THSD7A: variants seen among roughly 807,000 people sequenced by gnomAD.
THSD7A encodes thrombospondin type 1 domain containing 7A, also known as thrombospondin type-1 domain-containing protein 7A.
Under a neutral mutation model 231.3 loss-of-function variants are expected in THSD7A, and 96 were observed. That is an observed-to-expected ratio of 0.41 (90% CI 0.35 to 0.49). The LOEUF (loss-of-function observed/expected upper bound fraction) is 0.49. Among genes scored for constraint, THSD7A ranks in the 20% least tolerant of loss-of-function variants. The pLI is 0.05. For missense variants in THSD7A, 2,290 were observed against 2,070.2 expected, an observed-to-expected ratio of 1.11 and a Z score of -2.06; for synonymous variants, 940 against 743.3, an observed-to-expected ratio of 1.26 and a Z score of -4.30.
At chr7:11,818,917 C>G (rs779508125) in intron 1 of THSD7A, among the ~76,000 whole-genome samples, 11 of 151,980 alleles carry the variant, frequency 7.2e-5, no homozygotes, top group African/African-American at 1.2e-4. Context: ...ATGTGTCATT[C>G]TACCAGAACA....
intron 1 of THSD7A, among the ~76,000 whole-genome samples, chr7:11,659,771 C>G (rs2128372651): frequency 1.3e-5 from 2 of 151,604 alleles, no homozygotes; most frequent in East Asian, 3.9e-4. Flanking sequence ...AAATGTGTCA[C>G]TGTTAATACA....
At chr7:11,645,294 T>C (rs1326015442) in intron 1 of THSD7A, among the ~76,000 whole-genome samples, 13 of 151,846 alleles carry the variant, frequency 8.6e-5, no homozygotes. Flanking sequence ...TTATTTGAGA[T>C]ACTAACATTT....
intron 23 of THSD7A, 61 bp from the exon 24 acceptor site, chr7:11,382,677 G>A (rs974707667): frequency 1.1e-5 from 13 of 1,217,866 alleles, no homozygotes; most frequent in South Asian, 8.8e-5. Context: ...CAATCATGGG[G>A]ATAGAGTATT....
rs1345121739 is a variant in THSD7A at position 11,713,700 on chromosome 7, T to C, written c.191-76739A>G. Among the ~76,000 whole-genome samples, 4 of 151,282 alleles carry C rather than the reference T, an allele frequency of 2.6e-5. No homozygotes were observed. In the South Asian group the frequency reaches 6.2e-4, roughly 24 times the overall value. ...TAAAGAAGCCAGATGATCATGACAGTTGGATTGTAGAGCCCATTGTGTCTC... is the reference window on the plus strand; with the variant it reads ...TAAAGAAGCCAGATGATCATGACAGCTGGATTGTAGAGCCCATTGTGTCTC... On this transcript the variant is annotated intron_variant, in intron 1 of 27. Coordinates refer to ENST00000423059, the MANE Select transcript of THSD7A (RefSeq NM_015204.3).
chr7:11,747,892 T>C (rs1194483581), intron 1 of THSD7A, among the ~76,000 whole-genome samples: 1 of 151,904 alleles, frequency 6.6e-6, no homozygotes, highest in African/African-American at 2.4e-5. Context: ...GGCACAATGA[T>C]ATTAACATAA....
intron 1 of THSD7A, among the ~76,000 whole-genome samples, chr7:11,661,762 C>A (rs1390928205): frequency 6.6e-6 from 1 of 151,030 alleles, no homozygotes; most frequent in African/African-American, 2.4e-5. Flanking sequence ...AAAAACTGAA[C>A]AGGTAAATCC....
chr7:11,627,190 T>G (rs1335747897), intron 2 of THSD7A, among the ~76,000 whole-genome samples: 1 of 152,076 alleles, frequency 6.6e-6, no homozygotes, highest in Admixed American at 6.6e-5. Flanking sequence ...ATGGCACATG[T>G]AAACCTGTGT....
chr7:11,739,921 G>A (rs568228395), intron 1 of THSD7A, among the ~76,000 whole-genome samples: 1 of 151,850 alleles, frequency 6.6e-6, no homozygotes, highest in Non-Finnish European at 1.5e-5. Context: ...CTAATAAGAG[G>A]GTGTGTTAAC....
intron 13 of THSD7A, among the ~76,000 whole-genome samples, chr7:11,436,447 A>C (rs1350912282): frequency 6.6e-6 from 1 of 152,110 alleles, no homozygotes; most frequent in African/African-American, 2.4e-5. Context: ...AAACTGCTGC[A>C]TGAAACTAGG....
chr7:11,774,333 G>A (rs1420934620), intron 1 of THSD7A, among the ~76,000 whole-genome samples: 1 of 152,132 alleles, frequency 6.6e-6, no homozygotes, highest in African/African-American at 2.4e-5. Context: ...CAGGAGCTGG[G>A]GGAAGGAATA....
intron 13 of THSD7A, among the ~76,000 whole-genome samples, chr7:11,445,786 G>A (rs879802382): frequency 2.6e-5 from 4 of 151,930 alleles, no homozygotes; most frequent in Non-Finnish European, 5.9e-5. Flanking sequence ...CTGGGGGACC[G>A]TTCTGGCACC....
intron 4 of THSD7A, among the ~76,000 whole-genome samples, chr7:11,549,022 T>C (rs1789516016): frequency 6.6e-6 from 1 of 152,024 alleles, no homozygotes; most frequent in South Asian, 2.1e-4. Flanking sequence ...AAAGGTCTAA[T>C]ATCCAGAATC....
intron 4 of THSD7A, among the ~76,000 whole-genome samples, chr7:11,549,605 G>T (rs1437165033): frequency 6.6e-6 from 1 of 152,082 alleles, no homozygotes; most frequent in East Asian, 1.9e-4. Flanking sequence ...GCCATTAAAA[G>T]GAATGAGATC....
At chr7:11,726,578 C>T (rs1781555712) in intron 1 of THSD7A, among the ~76,000 whole-genome samples, 1 of 151,966 alleles carries the variant, frequency 6.6e-6, no homozygotes, top group African/African-American at 2.4e-5. Flanking sequence ...TCCCTTTCCC[C>T]TTTTGCATTA....
intron 1 of THSD7A, among the ~76,000 whole-genome samples, chr7:11,697,685 A>G (rs1780444946): frequency 6.6e-6 from 1 of 151,374 alleles, no homozygotes; most frequent in Non-Finnish European, 1.5e-5. Flanking sequence ...CTTCTCATTT[A>G]TCCTCAGAAA....
chr7:11,789,357 A>G (rs1224970222), intron 1 of THSD7A, among the ~76,000 whole-genome samples: 2 of 152,044 alleles, frequency 1.3e-5, no homozygotes, highest in African/African-American at 4.8e-5. Context: ...ATTTTAAGAA[A>G]GGGCGTGGCA....
At chr7:11,762,649 T>C (rs929800581) in intron 1 of THSD7A, among the ~76,000 whole-genome samples, 2 of 152,184 alleles carry the variant, frequency 1.3e-5, no homozygotes, top group African/African-American at 4.8e-5. Flanking sequence ...CTTTGTTAGA[T>C]ACATAGTTTG....
At position 11,533,880 on chromosome 7, in the gene THSD7A, G is replaced by A. The variant is rs116420488; in HGVS notation, c.1822+7539C>T. 1.0e-3 allele frequency among the ~76,000 whole-genome samples: 158 copies of A among 152,194 alleles called. 1 individual carries two copies. The highest frequency in any genetic ancestry group is 3.5e-3 in the African/African-American group (146 of 41,526). ...CTACAGGTTCTGCACTTGTATCTTGGGACTTAAAGTGATTTAAAAAACTGT... is the reference window on the plus strand; with the variant it reads ...CTACAGGTTCTGCACTTGTATCTTGAGACTTAAAGTGATTTAAAAAACTGT... On this transcript the variant is annotated intron_variant, in intron 6 of 27. Coordinates refer to ENST00000423059, the MANE Select transcript of THSD7A (RefSeq NM_015204.3).
At chr7:11,452,460 G>C (rs1438201276) in intron 11 of THSD7A, among the ~76,000 whole-genome samples, 1 of 152,002 alleles carries the variant, frequency 6.6e-6, no homozygotes, top group Non-Finnish European at 1.5e-5. Flanking sequence ...TGGCACAATG[G>C]AAAGAAATGT....
Sources: gnomAD v4.1 joint callset for allele counts (sites outside exome capture counted in the v4.1 genomes callset) on GRCh38, gnomAD v4.1.1 for gene constraint, MANE v1.5 for transcripts, NCBI Gene and HGNC (gene_info 2026-07-23, HGNC 2026-07-21) for gene names.